Variants in PKP4 observed in about 807,000 individuals in gnomAD.
PKP4 encodes the protein plakophilin-4.
PKP4 carries 90 observed loss-of-function variants against 145.1 expected under a neutral mutation model. That is an observed-to-expected ratio of 0.62 (90% CI 0.52 to 0.74). The LOEUF (loss-of-function observed/expected upper bound fraction) is 0.74. PKP4 is among the 30% of genes least tolerant of loss of function. PKP4 has a pLI of 0.00. For synonymous variants in PKP4, 563 were observed against 577.2 expected (o/e 0.98, Z 0.35); for missense variants, 1,340 against 1,482.7 (o/e 0.90, Z 1.58).
rs1055404800 is a variant in PKP4, at chr2:158,621,094, G to T, written c.385G>T (p.Glu129Ter). 2 of 1,614,152 alleles carry T rather than the reference G, an allele frequency of 1.2e-6. No homozygotes were observed. Among genetic ancestry groups the T allele is most frequent in the Non-Finnish European group, 1.7e-6 (2 of 1,180,012 alleles). ...EPEQGTLYSPEQTSLHESEGS... is the reference protein window; with the variant it reads ...EPEQGTLYSP ...AGAACAAGGAACCCTCTATTCACCA[G>T]AACAGACATCTCTCCATGAAAGTGA... The change falls in exon 5 of 22, where the codon GAA becomes TAA. Residue 129 changes from glutamate (E) to a stop codon, truncating the protein, a stop_gained. Coordinates refer to ENST00000389759, the MANE Select transcript of PKP4 (RefSeq NM_003628.6). LOFTEE classifies it high-confidence loss of function.
At position 158,654,645 on chromosome 2, in the gene PKP4, G is replaced by A. The variant is rs537660443; in HGVS notation, c.1910-3486G>A. Among the ~76,000 whole-genome samples, 19 of 152,142 alleles carry A rather than the reference G, an allele frequency of 1.2e-4. No homozygotes were observed. The South Asian group carries it at 2.3e-3, about 18-fold the overall frequency. ...GTGGTTTCAGCAACCATCTGTTTTG[G>A]TCTCAATGTGAAAGGCAGGCAAAAC... On this transcript the variant is annotated intron_variant, in intron 11 of 21. Coordinates refer to ENST00000389759, the MANE Select transcript of PKP4 (RefSeq NM_003628.6).
At position 158,678,630 on chromosome 2, in the gene PKP4, A is replaced by G. The variant is rs574365474; in HGVS notation, c.3306A>G (p.Ala1102=). 1 of 1,606,450 alleles carries G rather than the reference A, an allele frequency of 6.2e-7. No homozygotes were observed. The highest frequency in any genetic ancestry group is 1.3e-5 in the African/African-American group (1 of 74,924). ...PIYISSYSSP[A]REQNRRLQHQ... ...ACATCAGTTCCTATTCCTCACCAGC[A>G]AGAGAACAAAATAGACGGCTACAGG... The change falls in exon 21 of 22, where the codon GCA becomes GCG. Residue 1102 remains alanine (A), a synonymous_variant. Coordinates refer to ENST00000389759, the MANE Select transcript of PKP4 (RefSeq NM_003628.6).
At chr2:158,517,110 A>G (rs1251298572) in intron 1 of PKP4, among the ~76,000 whole-genome samples, 1 of 152,154 alleles carries the variant, frequency 6.6e-6, no homozygotes, top group Non-Finnish European at 1.5e-5. Flanking sequence ...TGATTTCATT[A>G]GTCTTTAATC....
intron 17 of PKP4, among the ~76,000 whole-genome samples, chr2:158,673,239 G>A (rs925390705): frequency 1.3e-5 from 2 of 152,202 alleles, no homozygotes; most frequent in Non-Finnish European, 2.9e-5. Flanking sequence ...AGGCAATGGA[G>A]GTATTTAGAT....
intron 9 of PKP4, among the ~76,000 whole-genome samples, chr2:158,640,024 G>C (rs1288557834): frequency 6.6e-6 from 1 of 152,168 alleles, no homozygotes; most frequent in African/African-American, 2.4e-5. Context: ...ACTCACACAT[G>C]TGTGCACATT....
At chr2:158,591,964 T>C (rs1053564150) in intron 3 of PKP4, among the ~76,000 whole-genome samples, 2 of 152,110 alleles carry the variant, frequency 1.3e-5, no homozygotes. Flanking sequence ...AGCTAGAAAT[T>C]TAAGGCAGTC....
intron 3 of PKP4, among the ~76,000 whole-genome samples, chr2:158,599,386 C>A (rs1474334056): frequency 6.6e-6 from 1 of 152,190 alleles, no homozygotes; most frequent in Non-Finnish European, 1.5e-5. Context: ...ACCTGCCATA[C>A]CCTCATGGAG....
intron 1 of PKP4, among the ~76,000 whole-genome samples, chr2:158,517,076 A>G (rs2041997277): frequency 6.6e-6 from 1 of 152,192 alleles, no homozygotes; most frequent in African/African-American, 2.4e-5. Flanking sequence ...CCATATTTCT[A>G]AATCCCCATA....
chr2:158,579,160 A>G (rs1301212228), intron 3 of PKP4, among the ~76,000 whole-genome samples: 7 of 152,178 alleles, frequency 4.6e-5, no homozygotes, highest in Non-Finnish European at 7.3e-5. Context: ...AAATGGCACC[A>G]CTAAAGATGA....
intron 11 of PKP4, among the ~76,000 whole-genome samples, chr2:158,655,672 G>A (rs931267309): frequency 1.3e-5 from 2 of 152,204 alleles, no homozygotes; most frequent in African/African-American, 4.8e-5. Context: ...GCAGCTCTCT[G>A]CCATGCATTG....
At chr2:158,629,602 C>G (rs1385212807) in intron 7 of PKP4, among the ~76,000 whole-genome samples, 1 of 152,138 alleles carries the variant, frequency 6.6e-6, no homozygotes, top group Non-Finnish European at 1.5e-5. Flanking sequence ...AAGCTTTATG[C>G]ATGTGTTAAC....
At chr2:158,666,201 G>T (rs2057067616) in intron 15 of PKP4, 1 of 348,172 alleles carries the variant, frequency 2.9e-6, no homozygotes, top group Non-Finnish European at 5.1e-6. Flanking sequence ...AGATTTTCAG[G>T]CTTTGGGATT....
intron 1 of PKP4, among the ~76,000 whole-genome samples, chr2:158,531,839 C>T (rs2105621331): frequency 6.6e-6 from 1 of 152,286 alleles, no homozygotes; most frequent in Middle Eastern, 3.4e-3. Context: ...ATTGAGAATT[C>T]ACTTGCTAGA....
intron 3 of PKP4, among the ~76,000 whole-genome samples, chr2:158,583,323 C>A (rs1318414007): frequency 6.6e-6 from 1 of 152,140 alleles, no homozygotes; most frequent in Non-Finnish European, 1.5e-5. Context: ...CTACTCCTCC[C>A]TAGGACTTCC....
chr2:158,512,964 T>G (rs1035033705), intron 1 of PKP4, among the ~76,000 whole-genome samples: 1 of 152,242 alleles, frequency 6.6e-6, no homozygotes, highest in African/African-American at 2.4e-5. Flanking sequence ...AAGATGTGTT[T>G]GCAAGAAGAG....
chr2:158,460,678 A>G (rs1689628015), intron 1 of PKP4, among the ~76,000 whole-genome samples: 2 of 152,224 alleles, frequency 1.3e-5, no homozygotes, highest in South Asian at 4.1e-4. Context: ...AATGGACATC[A>G]TATCTTCATT....
intron 1 of PKP4, among the ~76,000 whole-genome samples, chr2:158,468,770 C>CATT (rs768092939): frequency 9.1e-6 from 1 of 109,968 alleles, no homozygotes; most frequent in Non-Finnish European, 1.8e-5. Context: ...TCTTCTTCTT[C>CATT]TTTTTTTTTT....
intron 1 of PKP4, among the ~76,000 whole-genome samples, chr2:158,473,484 A>G (rs1484387680): frequency 6.6e-6 from 1 of 152,232 alleles, no homozygotes; most frequent in Non-Finnish European, 1.5e-5. Flanking sequence ...AGCCATAAAA[A>G]TAACAAGATC....
chr2:158,523,852 C>T (rs1350083653), intron 1 of PKP4, among the ~76,000 whole-genome samples: 3 of 138,804 alleles, frequency 2.2e-5, no homozygotes, highest in African/African-American at 5.6e-5. Context: ...CCTCAGGAGC[C>T]GATGTGATCA....
Sources: gnomAD v4.1 joint callset for allele counts (sites outside exome capture counted in the v4.1 genomes callset) on GRCh38, gnomAD v4.1.1 for gene constraint, MANE v1.5 for transcripts, NCBI Gene and HGNC (gene_info 2026-07-23, HGNC 2026-07-21) for gene names.